The following SEMA6D variants were observed in gnomAD, a reference collection of about 807,000 sequenced individuals.
SEMA6D encodes semaphorin 6D, also known as semaphorin-6D.
SEMA6D carries 35 observed loss-of-function variants against 106.6 expected under a neutral mutation model. That is an observed-to-expected ratio of 0.33 (90% confidence interval 0.25 to 0.44). SEMA6D has a LOEUF of 0.44. Among genes scored for constraint, SEMA6D ranks in the 20% least tolerant of loss-of-function variants. The pLI is 1.00. For missense variants in SEMA6D, 1,185 were observed against 1,345.9 expected (o/e 0.88, Z 1.87); for synonymous variants, 499 against 487.7 (o/e 1.02, Z -0.31).
intron 1 of SEMA6D, among the ~76,000 whole-genome samples, chr15:47,287,205 G>A (rs2035405728): frequency 6.6e-6 from 1 of 152,116 alleles, no homozygotes; most frequent in Non-Finnish European, 1.5e-5. Context: ...CTTATCAGTT[G>A]CATCATTGAG....
intron 3 of SEMA6D, among the ~76,000 whole-genome samples, chr15:47,472,903 T>C (rs1052564668): frequency 1.3e-5 from 2 of 152,192 alleles, no homozygotes; most frequent in Admixed American, 1.3e-4. Flanking sequence ...TGGTTGCTTA[T>C]AGTTATGCAG....
intron 4 of SEMA6D, among the ~76,000 whole-genome samples, chr15:47,667,876 T>C (rs950732307): frequency 6.6e-6 from 1 of 152,186 alleles, no homozygotes; most frequent in African/African-American, 2.4e-5. Context: ...CTTCGTAAAC[T>C]GGAGCACTGA....
intron 2 of SEMA6D, among the ~76,000 whole-genome samples, chr15:47,435,670 CTGAGT>C (rs1296736799): frequency 6.6e-6 from 1 of 152,048 alleles, no homozygotes; most frequent in Non-Finnish European, 1.5e-5. Context: ...GCACTACTGA[CTGAGT>C]TAAGTTTACC....
At chr15:47,248,672 C>T (rs1282772218) in intron 1 of SEMA6D, among the ~76,000 whole-genome samples, 1 of 152,140 alleles carries the variant, frequency 6.6e-6, no homozygotes, top group African/African-American at 2.4e-5. Context: ...CTCTCAGATA[C>T]TTAGAGTTTT....
chr15:47,206,568 G>A (rs539778576), intron 1 of SEMA6D, among the ~76,000 whole-genome samples: 40 of 152,112 alleles, frequency 2.6e-4, no homozygotes, highest in Non-Finnish European at 4.1e-4. Context: ...CTGCAGCGTC[G>A]CATTTGCACT....
At chr15:47,658,095 G>T (rs1028030674) in intron 4 of SEMA6D, among the ~76,000 whole-genome samples, 4 of 152,048 alleles carry the variant, frequency 2.6e-5, no homozygotes, top group African/African-American at 7.2e-5. Context: ...CTTATTATAA[G>T]AATGATAGTG....
chr15:47,327,239 T>G, intron 1 of SEMA6D, among the ~76,000 whole-genome samples: 1 of 152,310 alleles, frequency 6.6e-6, no homozygotes, highest in East Asian at 1.9e-4. Context: ...TGATAACCAC[T>G]TCTAACTCAT....
intron 1 of SEMA6D, among the ~76,000 whole-genome samples, chr15:47,342,399 T>A (rs1284433629): frequency 6.6e-6 from 1 of 152,218 alleles, no homozygotes; most frequent in Admixed American, 6.5e-5. Flanking sequence ...TAAGAAGTAA[T>A]GGGCAATAAC....
At chr15:47,761,097 C>G in intron 4 of SEMA6D, 59 bp downstream of exon 4, 1 of 1,611,256 alleles carries the variant, frequency 6.2e-7, no homozygotes, top group Non-Finnish European at 8.5e-7. Flanking sequence ...TTAATTTTCC[C>G]ACTGCCTCCC....
At chr15:47,421,121 T>G (rs1210810916) in intron 2 of SEMA6D, among the ~76,000 whole-genome samples, 2 of 152,254 alleles carry the variant, frequency 1.3e-5, no homozygotes, top group African/African-American at 4.8e-5. Context: ...ACAGTTAAAA[T>G]TATTCACTTT....
intron 2 of SEMA6D, among the ~76,000 whole-genome samples, chr15:47,462,963 A>G (rs1245886130): frequency 6.6e-6 from 1 of 152,108 alleles, no homozygotes; most frequent in Non-Finnish European, 1.5e-5. Flanking sequence ...ACATGGACAG[A>G]GAGAAAATGC....
chr15:47,561,177 T>G (rs1455752888), intron 3 of SEMA6D, among the ~76,000 whole-genome samples: 1 of 152,060 alleles, frequency 6.6e-6, no homozygotes. Flanking sequence ...TCAAGGAGAT[T>G]CATATCTGGA....
intron 4 of SEMA6D, among the ~76,000 whole-genome samples, chr15:47,641,101 A>G (rs1367614633): frequency 6.6e-6 from 1 of 152,046 alleles, no homozygotes; most frequent in Non-Finnish European, 1.5e-5. Flanking sequence ...CCATTTCCCC[A>G]CTGCTGCTTC....
At chr15:47,615,258 C>T (rs1439797034) in intron 4 of SEMA6D, among the ~76,000 whole-genome samples, 3 of 152,116 alleles carry the variant, frequency 2.0e-5, no homozygotes, top group African/African-American at 7.2e-5. Context: ...TTGTATTAGG[C>T]ATTAGAAGTA....
At chr15:47,691,693 T>C (rs968797789) in intron 4 of SEMA6D, among the ~76,000 whole-genome samples, 8 of 152,118 alleles carry the variant, frequency 5.3e-5, no homozygotes, top group Non-Finnish European at 1.0e-4. Context: ...GATGTCTCTG[T>C]CCTGGTGTAA....
intron 4 of SEMA6D, among the ~76,000 whole-genome samples, chr15:47,611,148 TACACAC>T (rs71432248): frequency 0.043 from 6,085 of 141,622 alleles, 261 homozygotes; most frequent in African/African-American, 0.12. Context: ...CCGTCCTACA[TACACAC>T]ACACACACAC....
At chr15:47,606,668 C>A (rs910227631) in intron 4 of SEMA6D, among the ~76,000 whole-genome samples, 1 of 152,122 alleles carries the variant, frequency 6.6e-6, no homozygotes, top group Non-Finnish European at 1.5e-5. Context: ...CTTCCTTTAT[C>A]CACAGATGTT....
At chr15:47,625,896 A>T (rs1041608495) in intron 4 of SEMA6D, among the ~76,000 whole-genome samples, 1 of 152,126 alleles carries the variant, frequency 6.6e-6, no homozygotes, top group Non-Finnish European at 1.5e-5. Context: ...TTCCAATACG[A>T]TCACTTTCAT....
chr15:47,416,544 A>G (rs1442615002), intron 2 of SEMA6D, among the ~76,000 whole-genome samples: 1 of 152,172 alleles, frequency 6.6e-6, no homozygotes, highest in Non-Finnish European at 1.5e-5. Flanking sequence ...CATACTACTA[A>G]TAGTCAAACA....
Sources: allele counts gnomAD v4.1 joint callset (sites outside exome capture counted in the v4.1 genomes callset), GRCh38; gene constraint gnomAD v4.1.1; transcripts MANE v1.5; gene names NCBI Gene and HGNC (gene_info 2026-07-23, HGNC 2026-07-21).